GPC6: variants seen among roughly 807,000 people sequenced by gnomAD.
The protein encoded by GPC6 is glypican 6.
A neutral mutation model predicts 55.2 loss-of-function variants in GPC6; 14 were observed. That is an observed-to-expected ratio of 0.25 (90% confidence interval 0.17 to 0.40). GPC6 has a LOEUF of 0.40. GPC6 is among the 10% of genes least tolerant of loss of function. GPC6 has a pLI of 1.00. For synonymous variants in GPC6, 278 were observed against 259.6 expected (o/e 1.07, Z -0.68); for missense variants, 641 against 708.5 (o/e 0.90, Z 1.08).
chr13:93,789,214 T>A (rs1885912364), intron 2 of GPC6, among the ~76,000 whole-genome samples: 1 of 152,054 alleles, frequency 6.6e-6, no homozygotes, highest in Non-Finnish European at 1.5e-5. Flanking sequence ...GCTGAGGATA[T>A]CAAGTAGCCA....
chr13:94,013,929 A>C (rs1360359358), intron 3 of GPC6, among the ~76,000 whole-genome samples: 1 of 152,202 alleles, frequency 6.6e-6, no homozygotes, highest in African/African-American at 2.4e-5. Flanking sequence ...ATGGCTTGCA[A>C]ATGCTTCATA....
intron 1 of GPC6, among the ~76,000 whole-genome samples, chr13:93,256,668 C>T (rs781731176): frequency 9.2e-5 from 14 of 152,140 alleles, no homozygotes; most frequent in Non-Finnish European, 1.8e-4. Flanking sequence ...TTGACTAAGT[C>T]CTGTATGTTC....
intron 4 of GPC6, among the ~76,000 whole-genome samples, chr13:94,235,402 A>G (rs543657589): frequency 7.4e-4 from 113 of 152,272 alleles, no homozygotes; most frequent in African/African-American, 2.6e-3. Flanking sequence ...ATTTGTTGCT[A>G]AATGCCTACC....
At chr13:93,785,335 T>C (rs1264190729) in intron 2 of GPC6, among the ~76,000 whole-genome samples, 1 of 152,230 alleles carries the variant, frequency 6.6e-6, no homozygotes. Flanking sequence ...CAAAAACTTC[T>C]GTAAGTTTTG....
chr13:93,524,021 G>A (rs1045237013), intron 1 of GPC6, among the ~76,000 whole-genome samples: 4 of 151,844 alleles, frequency 2.6e-5, no homozygotes, highest in Admixed American at 1.3e-4. Flanking sequence ...AAGAGAGGGG[G>A]GAAAGTCATG....
At chr13:93,566,960 A>G (rs1042385972) in intron 2 of GPC6, among the ~76,000 whole-genome samples, 1 of 152,112 alleles carries the variant, frequency 6.6e-6, no homozygotes, top group African/African-American at 2.4e-5. Flanking sequence ...TATCCAGTCT[A>G]TCATTGATGG....
rs571996521 is a variant in GPC6, at chr13:93,832,948, C to T, written c.711+2403C>T. Among the ~76,000 whole-genome samples the T allele has an allele frequency of 7.2e-5, 11 of 152,192 alleles. No individual in the cohort carries two copies. The South Asian group carries it at 2.3e-3, about 32-fold the overall frequency. ...ATTTAACCTTGGAAAGTTAACTGTTCCTTGCAGATATTGGCTTGTTTGACC... is the reference window on the plus strand; with the variant it reads ...ATTTAACCTTGGAAAGTTAACTGTTTCTTGCAGATATTGGCTTGTTTGACC... On this transcript the variant is annotated intron_variant, in intron 3 of 8. Transcript: ENST00000377047.
chr13:94,245,395 A>G (rs1032229300), intron 4 of GPC6, among the ~76,000 whole-genome samples: 3 of 151,450 alleles, frequency 2.0e-5, no homozygotes, highest in African/African-American at 7.3e-5. Context: ...TCCACTCTAT[A>G]TAAAATAAAA....
At chr13:93,477,047 T>G (rs929418905) in intron 1 of GPC6, among the ~76,000 whole-genome samples, 18 of 152,172 alleles carry the variant, frequency 1.2e-4, no homozygotes, top group African/African-American at 4.1e-4. Context: ...CGCATGTAGA[T>G]ATTCTGAGGA....
intron 2 of GPC6, among the ~76,000 whole-genome samples, chr13:93,696,753 G>C (rs1882472075): frequency 6.6e-6 from 1 of 151,740 alleles, no homozygotes; most frequent in East Asian, 1.9e-4. Flanking sequence ...CTCCCTAGAA[G>C]CTGGAATTAC....
chr13:93,603,683 T>G (rs1262194041), intron 2 of GPC6, among the ~76,000 whole-genome samples: 2 of 152,190 alleles, frequency 1.3e-5, no homozygotes, highest in Non-Finnish European at 2.9e-5. Context: ...CCCATTAATT[T>G]CATGACTGAC....
At chr13:93,392,248 C>T (rs1875660534) in intron 1 of GPC6, among the ~76,000 whole-genome samples, 2 of 152,170 alleles carry the variant, frequency 1.3e-5, no homozygotes, top group South Asian at 4.1e-4. Context: ...TGCTTTGTGA[C>T]CAGACTGAAA....
At chr13:93,494,858 C>G (rs1442081208) in intron 1 of GPC6, among the ~76,000 whole-genome samples, 2 of 148,796 alleles carry the variant, frequency 1.3e-5, no homozygotes, top group South Asian at 4.4e-4. Context: ...GGCCCCCACT[C>G]TCTTCTGGCT....
intron 1 of GPC6, chr13:93,395,339 T>C: frequency 2.1e-6 from 1 of 466,122 alleles, no homozygotes; most frequent in Non-Finnish European, 4.1e-6. Context: ...TTTCCCAACT[T>C]CACAGTTGTG....
chr13:93,733,024 G>T (rs1375384390), intron 2 of GPC6, among the ~76,000 whole-genome samples: 1 of 151,876 alleles, frequency 6.6e-6, no homozygotes, highest in Admixed American at 6.6e-5. Flanking sequence ...CTACCATATT[G>T]CACAGGGCAG....
At chr13:94,069,346 ATAAAACCATTTTT>A (rs1884647773) in intron 4 of GPC6, among the ~76,000 whole-genome samples, 1 of 152,132 alleles carries the variant, frequency 6.6e-6, no homozygotes, top group East Asian at 1.9e-4. Context: ...GACCTGGCCC[ATAAAACCATTTTT>A]TTCTCCTAAA....
chr13:93,472,748 G>T (rs1314221227), intron 1 of GPC6, among the ~76,000 whole-genome samples: 2 of 152,170 alleles, frequency 1.3e-5, no homozygotes, highest in Non-Finnish European at 2.9e-5. Context: ...TGCCCTGTTT[G>T]TGTTACAGCC....
chr13:93,465,618 G>T (rs1878875266), intron 1 of GPC6, among the ~76,000 whole-genome samples: 1 of 152,208 alleles, frequency 6.6e-6, no homozygotes. Context: ...GAATGTTGTG[G>T]CTGGTTTGAT....
chr13:93,619,057 C>A (rs569711371), intron 2 of GPC6, among the ~76,000 whole-genome samples: 8 of 152,200 alleles, frequency 5.3e-5, no homozygotes, highest in African/African-American at 1.7e-4. Flanking sequence ...ATCTAAAGAT[C>A]TCTAAACATA....
Sources: gnomAD v4.1 joint callset for allele counts (sites outside exome capture counted in the v4.1 genomes callset) on GRCh38, gnomAD v4.1.1 for gene constraint, MANE v1.5 for transcripts, NCBI Gene and HGNC (gene_info 2026-07-23, HGNC 2026-07-21) for gene names.